DENND6A: variants seen among roughly 807,000 people sequenced by gnomAD.
DENND6A encodes the protein DENN domain containing 6A, also known as protein DENND6A.
A neutral mutation model predicts 95.5 loss-of-function variants in DENND6A; 43 were observed. The observed-to-expected ratio is 0.45, with a 90% CI of 0.35 to 0.58. The LOEUF (loss-of-function observed/expected upper bound fraction) is 0.58, where lower values mean the gene tolerates loss of function less well. Among genes scored for constraint, DENND6A ranks in the 20% least tolerant of loss-of-function variants. DENND6A has a pLI of 0.00. For missense variants in DENND6A, 574 were observed against 736.0 expected (o/e 0.78, Z 2.55); for synonymous variants, 257 against 260.4 (o/e 0.99, Z 0.13).
At chr3:57,671,167 A>G (rs1486297157) in intron 3 of DENND6A, among the ~76,000 whole-genome samples, 1 of 152,122 alleles carries the variant, frequency 6.6e-6, no homozygotes, top group Non-Finnish European at 1.5e-5. Context: ...AGAAAATGCT[A>G]AAAAAAATTT....
chr3:57,645,605 T>C (rs1473463661), intron 11 of DENND6A, 56 bp downstream of exon 11: 4 of 1,296,308 alleles, frequency 3.1e-6, no homozygotes, highest in Non-Finnish European at 4.3e-6. Flanking sequence ...AAAATAATTC[T>C]ACACAATTTT....
At chr3:57,633,962 T>TA (rs983883496) in intron 14 of DENND6A, among the ~76,000 whole-genome samples, 8 of 151,670 alleles carry the variant, frequency 5.3e-5, no homozygotes, top group Admixed American at 3.9e-4. Flanking sequence ...CTATTTACAT[T>TA]AAAAAAAATG....
intron 3 of DENND6A, among the ~76,000 whole-genome samples, chr3:57,671,326 C>G (rs957045462): frequency 1.3e-5 from 2 of 152,020 alleles, no homozygotes; most frequent in African/African-American, 4.8e-5. Flanking sequence ...AGATCGAGAC[C>G]ATCCTGGCTA....
At chr3:57,686,632 G>C (rs1301977115) in intron 1 of DENND6A, among the ~76,000 whole-genome samples, 1 of 152,086 alleles carries the variant, frequency 6.6e-6, no homozygotes, top group Non-Finnish European at 1.5e-5. Flanking sequence ...TATTGTATCT[G>C]TTACAGTGGT....
chr3:57,641,546 CCT>C, intron 12 of DENND6A, 105 bp downstream of exon 12: 1 of 867,898 alleles, frequency 1.2e-6, no homozygotes, highest in South Asian at 2.4e-5. Context: ...TCTCCAAAGG[CCT>C]TGAAGAAAGC....
chr3:57,634,084 C>T lies in DENND6A; in HGVS notation c.1263+474G>A, dbSNP rs115263524. The stretch of plus-strand genomic sequence containing the variant: ...TCATGTGTAGCTACAGCCCCAAATT[C>T]ATGCCCATACTGTTGCTAACTTAGT... On this transcript the variant is annotated intron_variant, in intron 14 of 19. Coordinates refer to ENST00000311128, the MANE Select transcript of DENND6A (RefSeq NM_152678.3). 5.8e-3 allele frequency among the ~76,000 whole-genome samples: 881 copies of T among 152,178 alleles called. 8 individuals carry two copies. The highest frequency in any genetic ancestry group is 0.02 in the African/African-American group (832 of 41,522).
At chr3:57,631,486 G>A (rs1187007426) in intron 15 of DENND6A, among the ~76,000 whole-genome samples, 2 of 152,006 alleles carry the variant, frequency 1.3e-5, no homozygotes, top group Non-Finnish European at 2.9e-5. Context: ...GAACTACCGC[G>A]CCCAACAACG....
chr3:57,660,935 C>T (rs1488795600), intron 6 of DENND6A, 96 bp from the exon 7 acceptor site: 6 of 1,057,866 alleles, frequency 5.7e-6, no homozygotes, highest in Non-Finnish European at 7.8e-6. Flanking sequence ...TTCCATACAG[C>T]AGAAAAAATA....
At chr3:57,658,459 T>C (rs982359375) in intron 8 of DENND6A, among the ~76,000 whole-genome samples, 2 of 152,088 alleles carry the variant, frequency 1.3e-5, no homozygotes, top group Admixed American at 6.6e-5. Flanking sequence ...AGCCCAGGAA[T>C]TGGAGGCTGC....
chr3:57,650,352 A>C (rs957500147), intron 9 of DENND6A, among the ~76,000 whole-genome samples: 2 of 151,962 alleles, frequency 1.3e-5, no homozygotes, highest in African/African-American at 2.4e-5. Context: ...TTACTAACAG[A>C]GGTATTGATT....
In DENND6A at chr3:57,657,875, G is replaced by A. The variant is rs564857635; in HGVS notation, c.763-140C>T. ...CTCTTCCTTTAGGAACAGCCAGAGA[G>A]GGAATGGGTCTTACCAATATTCCCT... On this transcript the variant is annotated intron_variant, in intron 8 of 19. Transcript: ENST00000311128. 1.6e-5 allele frequency: 9 copies of A among 550,036 alleles called. No homozygotes were observed. In the African/African-American group the frequency reaches 1.7e-4, roughly 11 times the overall value. The allele number at this position is 550,036 out of a possible 1,614,324, so 34.1% of individuals were successfully genotyped here.
At chr3:57,658,296 A>G (rs1338193460) in intron 8 of DENND6A, among the ~76,000 whole-genome samples, 1 of 152,068 alleles carries the variant, frequency 6.6e-6, no homozygotes, top group Non-Finnish European at 1.5e-5. Context: ...TTGGGAATCC[A>G]GGAAGGAGGA....
In DENND6A at chr3:57,672,237, C is replaced by G; in HGVS notation, c.319+19G>C. 1.3e-6 allele frequency: 2 copies of G among 1,596,764 alleles called. No homozygotes were observed. Among genetic ancestry groups the G allele is most frequent in the East Asian group, 2.2e-5 (1 of 44,620 alleles). On this transcript the variant is annotated intron_variant, in intron 3 of 19. Coordinates refer to ENST00000311128, the MANE Select transcript of DENND6A (RefSeq NM_152678.3). Reference sequence around the variant, plus strand: ...CTTAGTATAAAATTAAACAGAAACACTGTATGAAAAACAGTTACCTGAATT... The same window carrying G: ...CTTAGTATAAAATTAAACAGAAACAGTGTATGAAAAACAGTTACCTGAATT...
intron 1 of DENND6A, among the ~76,000 whole-genome samples, chr3:57,690,173 T>C (rs2077249023): frequency 1.3e-5 from 2 of 150,706 alleles, no homozygotes; most frequent in South Asian, 4.2e-4. Flanking sequence ...GGTGAAACCC[T>C]GTCTCTACTA....
At chr3:57,628,634 T>A (rs965159151) in intron 19 of DENND6A, among the ~76,000 whole-genome samples, 177 bp downstream of exon 19, 1 of 152,246 alleles carries the variant, frequency 6.6e-6, no homozygotes, top group Non-Finnish European at 1.5e-5. Flanking sequence ...TATGGCATCA[T>A]TATGGTCTGT....
At chr3:57,670,632 G>T (rs895750791) in intron 3 of DENND6A, among the ~76,000 whole-genome samples, 1 of 152,158 alleles carries the variant, frequency 6.6e-6, no homozygotes, top group Admixed American at 6.5e-5. Flanking sequence ...AGGGTAAAGG[G>T]CTCTTTTTGC....
chr3:57,635,840 T>C (rs1006180695), intron 12 of DENND6A, among the ~76,000 whole-genome samples: 3 of 152,200 alleles, frequency 2.0e-5, no homozygotes, highest in African/African-American at 7.2e-5. Context: ...ATGATTTTTT[T>C]TCCTGCCTCT....
chr3:57,690,972 G>T (rs990711893), intron 1 of DENND6A, among the ~76,000 whole-genome samples: 2 of 152,102 alleles, frequency 1.3e-5, no homozygotes, highest in African/African-American at 4.8e-5. Context: ...TCCTGACCTA[G>T]AAAAAACTCT....
chr3:57,665,763 A>G (rs1255827273), intron 4 of DENND6A, among the ~76,000 whole-genome samples: 1 of 152,206 alleles, frequency 6.6e-6, no homozygotes, highest in East Asian at 1.9e-4. Context: ...AAAAATCAAA[A>G]AGAGACAACT....
Sources: allele counts gnomAD v4.1 joint callset (sites outside exome capture counted in the v4.1 genomes callset), GRCh38; gene constraint gnomAD v4.1.1; transcripts MANE v1.5; gene names NCBI Gene and HGNC (gene_info 2026-07-23, HGNC 2026-07-21).